Variants in EPHA3 observed in about 807,000 individuals in gnomAD.
EPHA3 encodes the protein ephrin type-A receptor 3.
Under a neutral mutation model 107.1 loss-of-function variants are expected in EPHA3, and 42 were observed. The ratio of observed to expected loss-of-function variants is 0.39; its 90% confidence interval spans 0.31 to 0.51. The LOEUF (loss-of-function observed/expected upper bound fraction) is 0.51. Ranked by LOEUF, EPHA3 falls within the 20% of genes least tolerant of loss-of-function variation. EPHA3 has a pLI of 0.78. For synonymous variants in EPHA3, 461 were observed against 424.8 expected (o/e 1.09, Z -1.05); for missense variants, 1,183 against 1,211.2 (o/e 0.98, Z 0.35).
rs372876052 is a variant in EPHA3 at position 89,447,795 on chromosome 3, A to G, written c.2347-1430A>G. 5.3e-5 allele frequency among the ~76,000 whole-genome samples: 8 copies of G among 152,178 alleles called. No homozygotes were observed. The East Asian group carries it at 5.8e-4, about 11-fold the overall frequency. ...AAATACTCTGAACCAGGACTATTACATTCTCAATAACAGATGAGGACAGTC... is the reference window on the plus strand; with the variant it reads ...AAATACTCTGAACCAGGACTATTACGTTCTCAATAACAGATGAGGACAGTC... On this transcript the variant is annotated intron_variant, in intron 13 of 16. Transcript: ENST00000336596.
chr3:89,135,856 T>A (rs1487427199), intron 2 of EPHA3, among the ~76,000 whole-genome samples: 2 of 151,878 alleles, frequency 1.3e-5, no homozygotes, highest in Non-Finnish European at 2.9e-5. Context: ...TAAATCCAGT[T>A]GAGCAAATCA....
At chr3:89,398,429 CT>C (rs1246436967) in intron 6 of EPHA3, among the ~76,000 whole-genome samples, 26 of 152,142 alleles carry the variant, frequency 1.7e-4, no homozygotes. Flanking sequence ...CCTAGAGATC[CT>C]TTTTGGGAAG....
chr3:89,186,877 G>C (rs1705579717), intron 2 of EPHA3, among the ~76,000 whole-genome samples: 1 of 152,042 alleles, frequency 6.6e-6, no homozygotes, highest in African/African-American at 2.4e-5. Context: ...GATTGAATTT[G>C]TTGAATTTTG....
At chr3:89,332,808 C>T (rs1212738150) in intron 3 of EPHA3, among the ~76,000 whole-genome samples, 5 of 152,118 alleles carry the variant, frequency 3.3e-5, no homozygotes, top group South Asian at 2.1e-4. Flanking sequence ...AGGGAGCTAA[C>T]GTCTGAATAC....
intron 2 of EPHA3, among the ~76,000 whole-genome samples, chr3:89,166,495 C>T (rs1225192004): frequency 2.0e-5 from 3 of 152,008 alleles, no homozygotes; most frequent in Non-Finnish European, 4.4e-5. Flanking sequence ...TGATTTTTTA[C>T]TCTGATAACC....
intron 5 of EPHA3, among the ~76,000 whole-genome samples, chr3:89,381,713 T>C (rs771317862): frequency 3.3e-5 from 5 of 152,006 alleles, no homozygotes; most frequent in Non-Finnish European, 7.4e-5. Flanking sequence ...GGAAAGATGA[T>C]GATTAGGTCA....
intron 2 of EPHA3, among the ~76,000 whole-genome samples, chr3:89,130,790 A>G (rs1430066155): frequency 2.6e-5 from 4 of 152,004 alleles, no homozygotes; most frequent in African/African-American, 7.3e-5. Flanking sequence ...GCCCGCCACC[A>G]CGCTCAGCTA....
chr3:89,223,741 T>C (rs764172226), intron 3 of EPHA3, among the ~76,000 whole-genome samples: 12 of 152,184 alleles, frequency 7.9e-5, no homozygotes, highest in Non-Finnish European at 1.5e-4. Context: ...TAATACCTTA[T>C]ATGTGTGAAT....
In EPHA3 at chr3:89,332,552, G is replaced by A. The variant is rs1707311152; in HGVS notation, c.815-8364G>A. On this transcript the variant is annotated intron_variant, in intron 3 of 16. Coordinates refer to ENST00000336596, the MANE Select transcript of EPHA3 (RefSeq NM_005233.6). ...ATGACTGAACGTAGCCACTTCCAGT[G>A]TATTGAAATGCCTGGGCCTTGCCTC... is the stretch of plus-strand genomic sequence containing the variant. Among the ~76,000 whole-genome samples, 5 of 152,206 alleles carry A rather than the reference G, an allele frequency of 3.3e-5. No individual in the cohort carries two copies. In the South Asian group the frequency reaches 1.0e-3, roughly 31 times the overall value.
chr3:89,264,415 G>A (rs1337080292), intron 3 of EPHA3, among the ~76,000 whole-genome samples: 1 of 151,992 alleles, frequency 6.6e-6, no homozygotes, highest in Non-Finnish European at 1.5e-5. Context: ...CAGATTCCTG[G>A]TCAGCCCTGT....
At chr3:89,322,612 G>A (rs1434200624) in intron 3 of EPHA3, among the ~76,000 whole-genome samples, 2 of 152,108 alleles carry the variant, frequency 1.3e-5, no homozygotes, top group African/African-American at 2.4e-5. Context: ...GCTAGTGCAT[G>A]TGGCAGCCTA....
intron 2 of EPHA3, among the ~76,000 whole-genome samples, chr3:89,176,046 A>G (rs1427988665): frequency 6.6e-6 from 1 of 152,176 alleles, no homozygotes; most frequent in East Asian, 1.9e-4. Flanking sequence ...ACTTTAATAT[A>G]GAATCTGAAG....
chr3:89,304,250 T>A (rs969489011), intron 3 of EPHA3, among the ~76,000 whole-genome samples: 3 of 152,136 alleles, frequency 2.0e-5, no homozygotes, highest in African/African-American at 7.2e-5. Flanking sequence ...ATGAACTGTA[T>A]TTCAGCCTCG....
chr3:89,249,147 C>T (rs936382726), intron 3 of EPHA3, among the ~76,000 whole-genome samples: 2 of 152,114 alleles, frequency 1.3e-5, no homozygotes, highest in African/African-American at 4.8e-5. Flanking sequence ...TCTTCATTTG[C>T]CTATTGCCTT....
At chr3:89,448,201 T>A (rs1709916008) in intron 13 of EPHA3, among the ~76,000 whole-genome samples, 1 of 152,114 alleles carries the variant, frequency 6.6e-6, no homozygotes, top group African/African-American at 2.4e-5. Flanking sequence ...TGGAGATTGT[T>A]GGAAATGCAG....
At position 89,161,965 on chromosome 3, in the gene EPHA3, G is replaced by A. The variant is rs182550499; in HGVS notation, c.153+34692G>A. ...GCACTCCAGCCTGGGTGATGGGAGT[G>A]AGACTCTGTCTCAAAATAATAATAA... On this transcript the variant is annotated intron_variant, in intron 2 of 16. Transcript: ENST00000336596. Among the ~76,000 whole-genome samples the A allele has an allele frequency of 4.4e-3, 661 of 151,126 alleles. 4 individuals are homozygous for A. The highest frequency in any genetic ancestry group is 0.015 in the African/African-American group (624 of 41,202).
intron 13 of EPHA3, among the ~76,000 whole-genome samples, chr3:89,444,035 G>A (rs939198506): frequency 9.2e-5 from 14 of 152,152 alleles, no homozygotes; most frequent in African/African-American, 3.4e-4. Flanking sequence ...CATTTGCCAA[G>A]ATAATACCAA....
chr3:89,190,418 C>T (rs1705683344), intron 2 of EPHA3, among the ~76,000 whole-genome samples: 1 of 152,224 alleles, frequency 6.6e-6, no homozygotes, highest in Middle Eastern at 3.4e-3. Context: ...AACCAATTAC[C>T]TATAAACATA....
chr3:89,408,850 G>A (rs1375795976), intron 9 of EPHA3, among the ~76,000 whole-genome samples: 1 of 152,014 alleles, frequency 6.6e-6, no homozygotes, highest in Non-Finnish European at 1.5e-5. Context: ...TACAAAGACT[G>A]TACTCATGCT....
Sources: allele counts gnomAD v4.1 joint callset (sites outside exome capture counted in the v4.1 genomes callset), GRCh38; gene constraint gnomAD v4.1.1; transcripts MANE v1.5; gene names NCBI Gene and HGNC (gene_info 2026-07-23, HGNC 2026-07-21).